The following LRRC1 variants were observed in gnomAD, a reference collection of about 807,000 sequenced individuals.
The protein encoded by LRRC1 is leucine-rich repeat-containing protein 1.
Under a neutral mutation model 69.9 loss-of-function variants are expected in LRRC1, and 28 were observed. That is an observed-to-expected ratio of 0.40 (90% CI 0.30 to 0.55). LRRC1 has a LOEUF of 0.55. Among genes scored for constraint, LRRC1 ranks in the 20% least tolerant of loss-of-function variants. The probability of loss-of-function intolerance (pLI) is 0.47; values close to 1 mark genes in which losing one functional copy is unlikely to be tolerated. For synonymous variants in LRRC1, 236 were observed against 240.2 expected (o/e 0.98, Z 0.16); for missense variants, 498 against 609.0 (o/e 0.82, Z 1.92).
At chr6:53,818,690 G>A (rs1347944652) in intron 1 of LRRC1, among the ~76,000 whole-genome samples, 1 of 152,192 alleles carries the variant, frequency 6.6e-6, no homozygotes, top group Non-Finnish European at 1.5e-5. Flanking sequence ...AAGGAGTTAA[G>A]TAAAAAATGC....
intron 3 of LRRC1, among the ~76,000 whole-genome samples, chr6:53,882,262 C>T (rs573061478): frequency 2.6e-5 from 4 of 152,286 alleles, no homozygotes; most frequent in South Asian, 4.2e-4. Flanking sequence ...GCAGGAGACT[C>T]GCTTGAACCC....
At chr6:53,834,092 C>T (rs556332278) in intron 1 of LRRC1, among the ~76,000 whole-genome samples, 1 of 152,232 alleles carries the variant, frequency 6.6e-6, no homozygotes, top group African/African-American at 2.4e-5. Flanking sequence ...AGCCTTTTTT[C>T]TTTGTATGCC....
intron 2 of LRRC1, among the ~76,000 whole-genome samples, chr6:53,858,446 G>T (rs577157778): frequency 6.6e-6 from 1 of 152,174 alleles, no homozygotes; most frequent in South Asian, 2.1e-4. Flanking sequence ...CTCCCCCTCT[G>T]TGTTATGAGA....
chr6:53,920,923 C>T, intron 13 of LRRC1, 162 bp downstream of exon 13: 2 of 734,896 alleles, frequency 2.7e-6, no homozygotes, highest in South Asian at 2.0e-5. Flanking sequence ...TCTAGGTACT[C>T]ACTCACAAAA....
At chr6:53,919,718 G>A (rs1274435534) in intron 12 of LRRC1, 48 bp downstream of exon 12, 4 of 1,536,776 alleles carry the variant, frequency 2.6e-6, no homozygotes, top group Non-Finnish European at 3.6e-6. Context: ...AGATTGAGTA[G>A]GACCTAATGT....
chr6:53,884,077 GAGA>G (rs1293824973), intron 4 of LRRC1: 7 of 708,554 alleles, frequency 9.9e-6, no homozygotes, highest in Admixed American at 2.0e-5. Context: ...CTCTCAGGAG[GAGA>G]AGAAGACAGG....
intron 11 of LRRC1, among the ~76,000 whole-genome samples, chr6:53,915,329 C>T (rs935838997): frequency 1.3e-5 from 2 of 152,122 alleles, no homozygotes; most frequent in Non-Finnish European, 2.9e-5. Context: ...GAGTTATAGC[C>T]TCAGGGAATG....
At chr6:53,862,183 G>A (rs1328444326) in intron 2 of LRRC1, among the ~76,000 whole-genome samples, 5 of 152,080 alleles carry the variant, frequency 3.3e-5, no homozygotes, top group African/African-American at 9.7e-5. Context: ...ATTAAAATGA[G>A]CTGTAATGTT....
intron 3 of LRRC1, among the ~76,000 whole-genome samples, chr6:53,881,384 C>G (rs758859027): frequency 6.6e-6 from 1 of 152,130 alleles, no homozygotes; most frequent in Non-Finnish European, 1.5e-5. Flanking sequence ...AAAATAACAC[C>G]TATTTAAATC....
At chr6:53,817,309 T>A (rs913827186) in intron 1 of LRRC1, among the ~76,000 whole-genome samples, 7 of 152,204 alleles carry the variant, frequency 4.6e-5, no homozygotes, top group Non-Finnish European at 7.3e-5. Context: ...TTTAAAAAAA[T>A]TATATATTGA....
chr6:53,807,507 A>G (rs1294592700), intron 1 of LRRC1, among the ~76,000 whole-genome samples: 1 of 152,224 alleles, frequency 6.6e-6, no homozygotes, highest in Non-Finnish European at 1.5e-5. Flanking sequence ...GCACTTTGGG[A>G]GGCTGAGGCG....
intron 8 of LRRC1, among the ~76,000 whole-genome samples, chr6:53,901,084 G>C (rs191734055): frequency 3.9e-5 from 6 of 152,200 alleles, no homozygotes; most frequent in Admixed American, 3.3e-4. Flanking sequence ...ACTGAGAATC[G>C]TTTATGGCAT....
chr6:53,830,268 G>A (rs77192153), intron 1 of LRRC1, among the ~76,000 whole-genome samples: 28,988 of 152,194 alleles, frequency 0.19, 2,998 homozygotes, highest in Middle Eastern at 0.33. Context: ...TAAAGAAGTG[G>A]CTCTGAAGGA....
At chr6:53,825,802 G>A (rs1765238918) in intron 1 of LRRC1, among the ~76,000 whole-genome samples, 1 of 152,108 alleles carries the variant, frequency 6.6e-6, no homozygotes. Flanking sequence ...TAATCTTTAA[G>A]CTACTCTCTG....
intron 2 of LRRC1, among the ~76,000 whole-genome samples, chr6:53,844,793 C>T (rs1400980644): frequency 6.6e-6 from 1 of 152,218 alleles, no homozygotes; most frequent in Non-Finnish European, 1.5e-5. Flanking sequence ...TAACCATTCC[C>T]TTCCCTTCTT....
At chr6:53,904,224 CT>C (rs1360198844) in intron 9 of LRRC1, among the ~76,000 whole-genome samples, 154 bp from the exon 10 acceptor site, 2 of 152,188 alleles carry the variant, frequency 1.3e-5, no homozygotes, top group Non-Finnish European at 2.9e-5. Flanking sequence ...GTCGCACCCC[CT>C]AAGGGAACAT....
At chr6:53,895,227 T>C (rs1301771369) in intron 4 of LRRC1, among the ~76,000 whole-genome samples, 1 of 152,210 alleles carries the variant, frequency 6.6e-6, no homozygotes, top group Non-Finnish European at 1.5e-5. Flanking sequence ...TGGGAGTTTG[T>C]CTTTTTAAAA....
Position 53,920,855 on chromosome 6 carries a change from T to C in LRRC1, c.1416+94T>C. 2.1e-6 allele frequency: 3 copies of C among 1,403,470 alleles called. No homozygotes were observed. In the Admixed American group the frequency reaches 5.6e-5, roughly 26 times the overall value. 86.9% of individuals were successfully genotyped at this position (1,403,470 alleles called of 1,614,324 possible). On this transcript the variant is annotated intron_variant, in intron 13 of 13. Coordinates refer to ENST00000370888, the MANE Select transcript of LRRC1 (RefSeq NM_018214.5). ...GGATATTCTTTATTTTCAATTAGTATGTTCTCTGCTTTGCCTTCAGCATTT... is the reference window on the plus strand; with the variant it reads ...GGATATTCTTTATTTTCAATTAGTACGTTCTCTGCTTTGCCTTCAGCATTT...
At chr6:53,908,698 G>A (rs1768314893) in intron 10 of LRRC1, among the ~76,000 whole-genome samples, 1 of 152,118 alleles carries the variant, frequency 6.6e-6, no homozygotes, top group Non-Finnish European at 1.5e-5. Flanking sequence ...TTACTTTCTT[G>A]AAAGGGGGCA....
Sources: gnomAD v4.1 joint callset for allele counts (sites outside exome capture counted in the v4.1 genomes callset) on GRCh38, gnomAD v4.1.1 for gene constraint, MANE v1.5 for transcripts, NCBI Gene and HGNC (gene_info 2026-07-23, HGNC 2026-07-21) for gene names.